XRCC5: variants seen among roughly 807,000 people sequenced by gnomAD.
XRCC5 encodes the protein X-ray repair cross complementing 5.
In XRCC5, 12 loss-of-function variants were observed where a neutral mutation model predicts 95.7. That is an observed-to-expected ratio of 0.13 (90% CI 0.08 to 0.20). The LOEUF (loss-of-function observed/expected upper bound fraction) is 0.20. XRCC5 is among the 10% of genes least tolerant of loss of function. The pLI is 1.00. For synonymous variants in XRCC5, 281 were observed against 290.3 expected, an observed-to-expected ratio of 0.97 and a Z score of 0.33; for missense variants, 595 against 873.9, an observed-to-expected ratio of 0.68 and a Z score of 4.02.
chr2:216,156,814 T>TC (rs1688852501), intron 14 of XRCC5: 1 of 465,146 alleles, frequency 2.1e-6, no homozygotes, highest in Non-Finnish European at 4.4e-6. Context: ...GTAGCCATTT[T>TC]TCAAGGTAAC....
chr2:216,182,183 C>CT (rs1212248199), intron 16 of XRCC5, among the ~76,000 whole-genome samples: 2 of 152,188 alleles, frequency 1.3e-5, no homozygotes, highest in Non-Finnish European at 2.9e-5. Context: ...GGTGAGGAGT[C>CT]TGACTCATCA....
intron 19 of XRCC5, among the ~76,000 whole-genome samples, chr2:216,198,529 A>G (rs1175886842): frequency 1.4e-5 from 2 of 144,384 alleles, no homozygotes; most frequent in African/African-American, 2.6e-5. Context: ...TGTATGAAAA[A>G]TGCTTTTATT....
intron 16 of XRCC5, among the ~76,000 whole-genome samples, chr2:216,171,079 C>T (rs1423262233): frequency 2.6e-5 from 4 of 152,200 alleles, no homozygotes; most frequent in Non-Finnish European, 5.9e-5. Context: ...AAACAACAGA[C>T]GCTCTTAACC....
At chr2:216,153,471 G>T (rs1472618399) in intron 14 of XRCC5, among the ~76,000 whole-genome samples, 1 of 152,172 alleles carries the variant, frequency 6.6e-6, no homozygotes, top group Admixed American at 6.5e-5. Flanking sequence ...TTTAATCAGG[G>T]TTCCAAAGAT....
Position 216,129,371 on chromosome 2 carries a change from C to T in XRCC5, c.938-1504C>T, listed in dbSNP as rs181193862. ...TCTTGAACTAAGGGACCAGTATACA[C>T]ATGTGGGCAAAGGAATCTGGTTAAA... On this transcript the variant is annotated intron_variant, in intron 8 of 20. Coordinates refer to ENST00000392132, the MANE Select transcript of XRCC5 (RefSeq NM_021141.4). Among the ~76,000 whole-genome samples, 355 of 152,252 alleles carry T rather than the reference C, an allele frequency of 2.3e-3. 1 individual carries two copies. Among genetic ancestry groups the T allele is most frequent in the Non-Finnish European group, 3.8e-3 (258 of 68,022 alleles).
intron 5 of XRCC5, among the ~76,000 whole-genome samples, chr2:216,121,391 G>A (rs1418383342): frequency 1.3e-5 from 2 of 152,212 alleles, no homozygotes; most frequent in African/African-American, 4.8e-5. Flanking sequence ...TGGAGGCCGG[G>A]AAGTCCAAGA....
chr2:216,182,849 A>G (rs899732339), intron 16 of XRCC5, among the ~76,000 whole-genome samples: 2 of 152,140 alleles, frequency 1.3e-5, no homozygotes, highest in East Asian at 3.9e-4. Flanking sequence ...TTTATGGGAT[A>G]TGTTTAGTGG....
At chr2:216,152,805 C>T (rs1266782169) in intron 14 of XRCC5, among the ~76,000 whole-genome samples, 2 of 151,846 alleles carry the variant, frequency 1.3e-5, no homozygotes, top group Non-Finnish European at 2.9e-5. Flanking sequence ...GAGTAACTCA[C>T]GCCGGCTAAG....
Position 216,132,504 on chromosome 2 carries a change from G to C in XRCC5, c.1113+117G>C, listed in dbSNP as rs2106009901. The C allele has an allele frequency of 3.9e-6, 4 of 1,025,040 alleles. No homozygotes were observed. In the East Asian group the frequency reaches 9.8e-5, roughly 25 times the overall value. 63.5% of individuals were successfully genotyped at this position (1,025,040 alleles called of 1,614,324 possible). On this transcript the variant is annotated intron_variant, in intron 10 of 20. Coordinates refer to ENST00000392132, the MANE Select transcript of XRCC5 (RefSeq NM_021141.4). Reference sequence around the variant, plus strand: ...GACATGAATTCTTGCAATAGGAGTGGGGAAATCCACTGATGTTTAACTGAA... The same window carrying C: ...GACATGAATTCTTGCAATAGGAGTGCGGAAATCCACTGATGTTTAACTGAA...
At chr2:216,116,496 AT>A (rs1696700184) in intron 2 of XRCC5, 162 bp from the exon 3 acceptor site, 2 of 727,564 alleles carry the variant, frequency 2.7e-6, no homozygotes, top group African/African-American at 1.8e-5. Context: ...GAACCTAAGA[AT>A]TGTCATTGTC....
At chr2:216,119,497 G>C (rs1240842550) in intron 5 of XRCC5, among the ~76,000 whole-genome samples, 1 of 152,136 alleles carries the variant, frequency 6.6e-6, no homozygotes, top group African/African-American at 2.4e-5. Flanking sequence ...TGCATAGAAG[G>C]CTTTACCCAA....
rs1243070219 is a variant in XRCC5, at chr2:216,117,703, T to A, written c.320-43T>A. 3 of 1,604,594 alleles carry A rather than the reference T, an allele frequency of 1.9e-6. No homozygotes were observed. The South Asian group carries it at 3.3e-5, about 18-fold the overall frequency. Reference sequence around the variant, plus strand: ...CATTGGAAAGAGTTGCGTGTTCACATGAAGAGACTGTTTGGTGATATCCCT... The same window carrying A: ...CATTGGAAAGAGTTGCGTGTTCACAAGAAGAGACTGTTTGGTGATATCCCT... On this transcript the variant is annotated intron_variant, in intron 3 of 20. Transcript: ENST00000392132.
At chr2:216,187,713 A>C (rs917652027) in intron 16 of XRCC5, among the ~76,000 whole-genome samples, 3 of 148,726 alleles carry the variant, frequency 2.0e-5, no homozygotes, top group Non-Finnish European at 4.4e-5. Context: ...TTTATGCAGT[A>C]GTTTGGACAC....
chr2:216,111,908 C>A (rs148063560), intron 1 of XRCC5, among the ~76,000 whole-genome samples: 2 of 152,136 alleles, frequency 1.3e-5, no homozygotes, highest in South Asian at 2.1e-4. Context: ...CCAGGTCTCC[C>A]GATTGCTATT....
At chr2:216,116,100 G>A (rs1696690865) in intron 2 of XRCC5, among the ~76,000 whole-genome samples, 1 of 152,038 alleles carries the variant, frequency 6.6e-6, no homozygotes, top group Non-Finnish European at 1.5e-5. Context: ...ATATTTCGTT[G>A]TATAAATATT....
intron 14 of XRCC5, chr2:216,156,504 A>G: frequency 3.2e-6 from 2 of 631,190 alleles, no homozygotes; most frequent in South Asian, 2.7e-5. Flanking sequence ...ATTCAATCAC[A>G]GCAAAACAAG....
At position 216,145,780 on chromosome 2, in the gene XRCC5, T is replaced by A. The variant is rs1298281891; in HGVS notation, c.1477-2303T>A. On this transcript the variant is annotated intron_variant, in intron 13 of 20. Coordinates refer to ENST00000392132, the MANE Select transcript of XRCC5 (RefSeq NM_021141.4). Reference sequence around the variant, plus strand: ...TGGGGTTTATGCTGAAAATCTGGAATGTTTTACAGTAGGAAGGTTGGGTAG... The same window carrying A: ...TGGGGTTTATGCTGAAAATCTGGAAAGTTTTACAGTAGGAAGGTTGGGTAG... Among the ~76,000 whole-genome samples, 3 of 152,212 alleles carry A rather than the reference T, an allele frequency of 2.0e-5. No individual in the cohort carries two copies. In the South Asian group the frequency reaches 6.2e-4, roughly 32 times the overall value.
intron 3 of XRCC5, 155 bp downstream of exon 3, chr2:216,116,997 T>A: frequency 1.3e-6 from 1 of 790,198 alleles, no homozygotes; most frequent in African/African-American, 1.8e-5. Context: ...GGGTTTAATG[T>A]GAAATTAATC....
rs1237449071 is a variant in XRCC5, at chr2:216,205,850, CA to C, written c.*649del. ...AATTTCCCTTCATACTCCTTTTAAG[CA>C]GTGAGTTATGGTGGTGGTCTCATGA... On this transcript the variant is annotated 3_prime_UTR_variant, in exon 21 of 21. Transcript: ENST00000392132. The C allele has an allele frequency of 1.3e-5, 2 of 152,260 alleles. No individual in the cohort carries two copies. Among genetic ancestry groups the C allele is most frequent in the African/African-American group, 4.8e-5 (2 of 41,440 alleles). 9.4% of individuals were successfully genotyped at this position (152,260 alleles called of 1,614,324 possible). A position where few individuals can be genotyped will look rare whatever the true frequency, so the allele number is the denominator to read the frequency against.
Sources: allele counts gnomAD v4.1 joint callset (sites outside exome capture counted in the v4.1 genomes callset), GRCh38; gene constraint gnomAD v4.1.1; transcripts MANE v1.5; gene names NCBI Gene and HGNC (gene_info 2026-07-23, HGNC 2026-07-21).